The following AFF3 variants were observed in gnomAD, a reference collection of about 807,000 sequenced individuals.
The protein encoded by AFF3 is AF4/FMR2 family member 3.
A neutral mutation model predicts 129.7 loss-of-function variants in AFF3; 32 were observed. The observed-to-expected ratio is 0.25, with a 90% CI of 0.19 to 0.33. The LOEUF (loss-of-function observed/expected upper bound fraction) is 0.33. Among genes scored for constraint, AFF3 ranks in the 10% least tolerant of loss-of-function variants. The probability of loss-of-function intolerance (pLI) is 1.00; values close to 1 mark genes in which losing one functional copy is unlikely to be tolerated. For synonymous variants in AFF3, 644 were observed against 635.4 expected (o/e 1.01, Z -0.20); for missense variants, 1,373 against 1,592.0 (o/e 0.86, Z 2.34).
chr2:99,607,012 T>A (rs914059531), intron 13 of AFF3, among the ~76,000 whole-genome samples: 1 of 151,948 alleles, frequency 6.6e-6, no homozygotes, highest in Non-Finnish European at 1.5e-5. Context: ...TCAAGTTTCA[T>A]CTGCTATAAT....
chr2:100,109,609 C>A (rs893254467), intron 2 of AFF3, among the ~76,000 whole-genome samples: 54 of 152,172 alleles, frequency 3.5e-4, no homozygotes, highest in African/African-American at 1.3e-3. Flanking sequence ...AAGATGTGCC[C>A]TGGCCATTCA....
chr2:99,555,535 C>A (rs1311712842), intron 22 of AFF3, among the ~76,000 whole-genome samples: 1 of 152,208 alleles, frequency 6.6e-6, no homozygotes, highest in African/African-American at 2.4e-5. Flanking sequence ...GTTGCACAAG[C>A]CAGGTGCTTG....
At chr2:100,011,966 C>A (rs1186304956) in intron 4 of AFF3, among the ~76,000 whole-genome samples, 1 of 152,024 alleles carries the variant, frequency 6.6e-6, no homozygotes, top group Non-Finnish European at 1.5e-5. Flanking sequence ...TCCCCCAACC[C>A]CTTTAAGCTG....
At chr2:100,102,086 A>G (rs533106268) in intron 4 of AFF3, among the ~76,000 whole-genome samples, 11 of 152,262 alleles carry the variant, frequency 7.2e-5, no homozygotes, top group African/African-American at 2.6e-4. Flanking sequence ...AGAGATTCAA[A>G]TAAGAAAACA....
At chr2:99,908,978 C>T (rs553519209) in intron 7 of AFF3, among the ~76,000 whole-genome samples, 11 of 152,126 alleles carry the variant, frequency 7.2e-5, no homozygotes, top group South Asian at 2.1e-4. Context: ...CCAGCCATCC[C>T]ATTACTGGGT....
At position 100,008,837 on chromosome 2, in the gene AFF3, T is replaced by C. The variant is rs1682234542; in HGVS notation, c.149A>G (p.Tyr50Cys). ...QQDDGTFNSS[Y>C]SLFSEPYKTN... is the part of the protein sequence containing the mutation. ...CTTGTAGGGCTCACTGAAGAGAGAG[T>C]AACTAGAATTAAACGTGCCATCATC... Residue 50 changes from tyrosine to cysteine, a missense_variant, in exon 5 of 25, where the codon TAC (tyrosine) becomes TGC (cysteine). This residue lies in a region of AFF3 where 255 missense variants were observed against 256.0 expected (regional missense o/e 1.00). Coordinates refer to ENST00000672756, the MANE Select transcript of AFF3 (RefSeq NM_001386135.1). 6.2e-7 allele frequency: 1 copy of C among 1,613,718 alleles called. No homozygotes were observed. Among genetic ancestry groups the C allele is most frequent in the African/African-American group, 1.3e-5 (1 of 74,868 alleles).
At chr2:100,002,013 G>A (rs1430516183) in intron 7 of AFF3, among the ~76,000 whole-genome samples, 3 of 152,220 alleles carry the variant, frequency 2.0e-5, no homozygotes, top group African/African-American at 4.8e-5. Context: ...ACGCTGTCCT[G>A]AGGGACGTGG....
intron 8 of AFF3, among the ~76,000 whole-genome samples, chr2:99,789,166 G>C (rs913299920): frequency 3.9e-5 from 6 of 152,164 alleles, no homozygotes; most frequent in African/African-American, 1.4e-4. Context: ...GCCAGGTGCG[G>C]TGCCATGCCT....
At chr2:99,862,652 T>A (rs1246558462) in intron 7 of AFF3, among the ~76,000 whole-genome samples, 1 of 152,264 alleles carries the variant, frequency 6.6e-6, no homozygotes, top group Non-Finnish European at 1.5e-5. Flanking sequence ...CTTCATCCTG[T>A]GTAAGAACCA....
intron 2 of AFF3, among the ~76,000 whole-genome samples, chr2:100,127,866 G>T (rs1314921859): frequency 6.6e-6 from 1 of 152,124 alleles, no homozygotes; most frequent in Non-Finnish European, 1.5e-5. Flanking sequence ...AAATCTACTG[G>T]GCTGCATTCC....
intron 12 of AFF3, among the ~76,000 whole-genome samples, chr2:99,658,931 C>A (rs960331140): frequency 6.6e-6 from 1 of 152,168 alleles, no homozygotes; most frequent in African/African-American, 2.4e-5. Flanking sequence ...TAATAGGAGT[C>A]ACCTCTTAGA....
intron 7 of AFF3, among the ~76,000 whole-genome samples, chr2:99,892,709 G>C (rs1576292708): frequency 2.6e-5 from 4 of 152,280 alleles, no homozygotes; most frequent in African/African-American, 2.4e-5. Context: ...CTTCAGAGCA[G>C]GCCCACTGCT....
Position 100,110,745 on chromosome 2 carries a change from C to A in AFF3, c.-144-5162G>T, listed in dbSNP as rs148129314. On this transcript the variant is annotated intron_variant, in intron 2 of 24. Transcript: ENST00000672756. ...TTCAGGAGCTTAAGATAAACAAGTTCATGCAGCAGACACGGCTGGCTGCCC... is the reference window on the plus strand; with the variant it reads ...TTCAGGAGCTTAAGATAAACAAGTTAATGCAGCAGACACGGCTGGCTGCCC... 6.7e-3 allele frequency among the ~76,000 whole-genome samples: 1,026 copies of A among 152,302 alleles called. 1 individual carries two copies. The highest frequency in any genetic ancestry group is 9.8e-3 in the Non-Finnish European group (665 of 68,036).
chr2:99,772,105 A>T (rs1159562897), intron 8 of AFF3, among the ~76,000 whole-genome samples: 2 of 152,190 alleles, frequency 1.3e-5, no homozygotes, highest in Non-Finnish European at 2.9e-5. Context: ...CTCAGAAAAC[A>T]AGAAGTGGGA....
At chr2:99,999,727 G>C (rs1681207855) in intron 7 of AFF3, among the ~76,000 whole-genome samples, 1 of 152,218 alleles carries the variant, frequency 6.6e-6, no homozygotes, top group Non-Finnish European at 1.5e-5. Flanking sequence ...TCATCTAACA[G>C]TCATAAAAAT....
At chr2:99,638,906 C>T (rs1228898848) in intron 13 of AFF3, among the ~76,000 whole-genome samples, 2 of 152,192 alleles carry the variant, frequency 1.3e-5, no homozygotes, top group African/African-American at 4.8e-5. Context: ...GATCAAAACT[C>T]TTCTAACTGT....
chr2:99,899,898 G>C (rs1694228034), intron 7 of AFF3, among the ~76,000 whole-genome samples: 1 of 152,220 alleles, frequency 6.6e-6, no homozygotes, highest in African/African-American at 2.4e-5. Context: ...GGCACGTCTG[G>C]AAATGGCAGA....
At chr2:100,039,256 A>G (rs1685226762) in intron 4 of AFF3, among the ~76,000 whole-genome samples, 1 of 152,200 alleles carries the variant, frequency 6.6e-6, no homozygotes, top group Non-Finnish European at 1.5e-5. Flanking sequence ...GAATTTTGGC[A>G]TAACATAAAA....
At chr2:100,071,486 A>AGCAAGGAC (rs1343289216) in intron 4 of AFF3, among the ~76,000 whole-genome samples, 2 of 152,172 alleles carry the variant, frequency 1.3e-5, no homozygotes, top group Non-Finnish European at 2.9e-5. Context: ...TAGATCTGAA[A>AGCAAGGAC]AACACACAAA....
Sources: gnomAD v4.1 joint callset for allele counts (sites outside exome capture counted in the v4.1 genomes callset) on GRCh38, gnomAD v4.1.1 for gene constraint, gnomAD v4.1.1 regional missense constraint, MANE v1.5 for transcripts, NCBI Gene and HGNC (gene_info 2026-07-23, HGNC 2026-07-21) for gene names.